DLC1: variants seen among roughly 807,000 people sequenced by gnomAD.
DLC1 encodes the protein DLC1 Rho GTPase activating protein.
DLC1 carries 54 observed loss-of-function variants against 140.3 expected under a neutral mutation model. That is an observed-to-expected ratio of 0.38 (90% CI 0.31 to 0.48). DLC1 has a LOEUF of 0.48. Ranked by LOEUF, DLC1 falls within the 20% of genes least tolerant of loss-of-function variation. DLC1 has a pLI of 0.96. For missense variants in DLC1, 2,536 were observed against 1,907.0 expected (o/e 1.33, Z -6.14); for synonymous variants, 986 against 728.1 (o/e 1.35, Z -5.70).
intron 2 of DLC1, among the ~76,000 whole-genome samples, chr8:13,437,224 C>T (rs1839159895): frequency 6.6e-6 from 1 of 152,114 alleles, no homozygotes; most frequent in South Asian, 2.1e-4. Flanking sequence ...TGAATGAAAA[C>T]ATAAATCAAA....
chr8:13,596,787 A>G (rs1189216311), intron 1 of DLC1, among the ~76,000 whole-genome samples: 1 of 152,034 alleles, frequency 6.6e-6, no homozygotes, highest in Non-Finnish European at 1.5e-5. Context: ...TTGAGCTAAG[A>G]AGTTGGAGCT....
At chr8:13,454,012 C>T (rs1383678203) in intron 2 of DLC1, among the ~76,000 whole-genome samples, 1 of 152,080 alleles carries the variant, frequency 6.6e-6, no homozygotes, top group Non-Finnish European at 1.5e-5. Context: ...AAATCCTTCT[C>T]ATGGTTAAAT....
At chr8:13,567,949 T>C (rs1320912910) in intron 1 of DLC1, 5 of 1,539,380 alleles carry the variant, frequency 3.2e-6, no homozygotes, top group Non-Finnish European at 2.6e-6. Context: ...TGATAATGTG[T>C]AATGTGGATA....
chr8:13,451,274 A>G (rs1222321952), intron 2 of DLC1, among the ~76,000 whole-genome samples: 1 of 152,116 alleles, frequency 6.6e-6, no homozygotes, highest in Non-Finnish European at 1.5e-5. Context: ...TTTATGAGGT[A>G]CATGAGATAT....
At chr8:13,412,128 A>G (rs1393837308) in intron 2 of DLC1, among the ~76,000 whole-genome samples, 1 of 152,200 alleles carries the variant, frequency 6.6e-6, no homozygotes, top group South Asian at 2.1e-4. Context: ...TAAAAAGACA[A>G]CCTAATAAAA....
intron 5 of DLC1, among the ~76,000 whole-genome samples, chr8:13,152,821 G>GTAGAAA (rs1554451763): frequency 0.018 from 117 of 6,368 alleles, 1 homozygote; most frequent in African/African-American, 0.035. Context: ...TGTCTCTGGG[G>GTAGAAA]AAGAAAAAAA....
intron 7 of DLC1, among the ~76,000 whole-genome samples, chr8:13,105,020 T>A (rs930747543): frequency 5.9e-5 from 9 of 152,220 alleles, no homozygotes; most frequent in African/African-American, 2.2e-4. Flanking sequence ...CTGGGTTCCA[T>A]TAATCAAACC....
At chr8:13,212,504 T>G (rs1481977284) in intron 5 of DLC1, among the ~76,000 whole-genome samples, 1 of 152,168 alleles carries the variant, frequency 6.6e-6, no homozygotes, top group Non-Finnish European at 1.5e-5. Context: ...AAGACCATCT[T>G]TTTCTGCTTG....
intron 5 of DLC1, among the ~76,000 whole-genome samples, chr8:13,197,330 A>AT (rs999430091): frequency 4.6e-5 from 7 of 150,870 alleles, no homozygotes; most frequent in Admixed American, 6.6e-5. Flanking sequence ...GATTTATTTT[A>AT]TTTTTTTTTA....
chr8:13,445,930 G>GA (rs1255506037), intron 2 of DLC1, among the ~76,000 whole-genome samples: 2 of 151,990 alleles, frequency 1.3e-5, no homozygotes, highest in African/African-American at 4.8e-5. Flanking sequence ...CATCTTTAAG[G>GA]AAAAAACTTC....
chr8:13,512,217 C>A (rs1345253340), intron 1 of DLC1, among the ~76,000 whole-genome samples: 3 of 151,874 alleles, frequency 2.0e-5, no homozygotes, highest in Non-Finnish European at 4.4e-5. Flanking sequence ...CATCAGGAAA[C>A]TCAATCTGGT....
intron 5 of DLC1, among the ~76,000 whole-genome samples, chr8:13,283,477 G>A (rs938966132): frequency 2.6e-5 from 4 of 152,174 alleles, no homozygotes; most frequent in African/African-American, 7.2e-5. Flanking sequence ...ACAGAATAGA[G>A]AGAGGAAAAC....
At chr8:13,225,265 C>G (rs1326718462) in intron 5 of DLC1, among the ~76,000 whole-genome samples, 5 of 152,196 alleles carry the variant, frequency 3.3e-5, no homozygotes, top group Non-Finnish European at 5.9e-5. Flanking sequence ...CCCCAAAACA[C>G]TTTCAAAAGG....
At chr8:13,518,968 T>A (rs1719101398), upstream of DLC1, among the ~76,000 whole-genome samples, 1 of 152,228 alleles carries the variant, frequency 6.6e-6, no homozygotes, top group South Asian at 2.1e-4. Context: ...TTTTTAAAAA[T>A]ATATTATCAA....
At chr8:13,251,103 T>A (rs1334845597) in intron 5 of DLC1, among the ~76,000 whole-genome samples, 2 of 152,322 alleles carry the variant, frequency 1.3e-5, no homozygotes, top group East Asian at 3.9e-4. Context: ...CCTTCTTGTC[T>A]TCTCACATGG....
chr8:13,249,074 G>A (rs141723489), intron 5 of DLC1, among the ~76,000 whole-genome samples: 50 of 151,994 alleles, frequency 3.3e-4, no homozygotes, highest in African/African-American at 1.1e-3. Flanking sequence ...TCAAACCTTC[G>A]TTTTTCTTTT....
chr8:13,312,128 G>C (rs901252739), intron 4 of DLC1, among the ~76,000 whole-genome samples: 1 of 129,896 alleles, frequency 7.7e-6, no homozygotes, highest in Non-Finnish European at 1.7e-5. Context: ...TTGGGAGGCC[G>C]AGGCGGGCGG....
At chr8:13,145,682 C>T (rs1823380726) in intron 5 of DLC1, among the ~76,000 whole-genome samples, 1 of 152,104 alleles carries the variant, frequency 6.6e-6, no homozygotes, top group African/African-American at 2.4e-5. Context: ...GAATATTACA[C>T]AGCAGTGAAA....
chr8:13,233,293 TA>T lies in DLC1; in HGVS notation c.1348+71975del, dbSNP rs71207134. On this transcript the variant is annotated intron_variant, in intron 5 of 17. Transcript: ENST00000276297. ...CTGGGCGATAGAATAAGACTCTGTA[TA>T]AAAAAAAAAAAAAAAAAAAAAAAAA... Among the ~76,000 whole-genome samples, 509 of 70,188 alleles carry T rather than the reference TA, an allele frequency of 7.3e-3. 1 individual carries two copies. Among genetic ancestry groups the T allele is most frequent in the Non-Finnish European group, 0.01 (387 of 38,004 alleles). 46.0% of individuals were successfully genotyped at this position (70,188 alleles called of 152,430 possible). A position where few individuals can be genotyped will look rare whatever the true frequency, so the allele number is the denominator to read the frequency against.
Sources: gnomAD v4.1 joint callset for allele counts (sites outside exome capture counted in the v4.1 genomes callset) on GRCh38, gnomAD v4.1.1 for gene constraint, MANE v1.5 for transcripts, NCBI Gene and HGNC (gene_info 2026-07-23, HGNC 2026-07-21) for gene names.